Variants in SRCIN1 observed in about 807,000 individuals in gnomAD.
SRCIN1 encodes the protein SRC kinase signaling inhibitor 1, also known as P130Cas-associated protein.
In SRCIN1, 50 loss-of-function variants were observed where a neutral mutation model predicts 116.2. The observed-to-expected ratio is 0.43, with a 90% CI of 0.34 to 0.54. The LOEUF (loss-of-function observed/expected upper bound fraction) is 0.54. Among genes scored for constraint, SRCIN1 ranks in the 20% least tolerant of loss-of-function variants. The pLI is 0.02. For missense variants in SRCIN1, 1,446 were observed against 1,672.0 expected (o/e 0.86, Z 2.36); for synonymous variants, 736 against 750.0 (o/e 0.98, Z 0.30).
intron 14 of SRCIN1, 24 bp from the exon 15 acceptor site, chr17:38,551,413 G>T: frequency 1.3e-6 from 2 of 1,573,940 alleles, no homozygotes; most frequent in East Asian, 2.3e-5. Flanking sequence ...CAGGAGTCAG[G>T]ATTGAGGTAG....
rs971475748 is a variant in SRCIN1 at position 38,544,134 on chromosome 17, A to C, written c.3271-165T>G. Among the ~76,000 whole-genome samples the C allele has an allele frequency of 2.6e-5, 4 of 151,892 alleles. No homozygotes were observed. Among genetic ancestry groups the C allele is most frequent in the Non-Finnish European group, 4.4e-5 (3 of 67,942 alleles). On this transcript the variant is annotated intron_variant, in intron 17 of 18. Transcript: ENST00000617146. This position sits in a 1 kb window ranked among gnomAD's most constrained non-coding sequence, Gnocchi z 4.5. Reference sequence around the variant, plus strand: ...ACACCCGAGTCCAGAACCCAGGTCCACCCTCTCAGTCCCCACTTATGGTCT... The same window carrying C: ...ACACCCGAGTCCAGAACCCAGGTCCCCCCTCTCAGTCCCCACTTATGGTCT...
chr17:38,597,531 A>G (rs897346811), intron 1 of SRCIN1, among the ~76,000 whole-genome samples: 8 of 152,182 alleles, frequency 5.3e-5, no homozygotes, highest in African/African-American at 1.9e-4. Flanking sequence ...ATATAATCCT[A>G]CTACCCACTC....
intron 18 of SRCIN1, among the ~76,000 whole-genome samples, chr17:38,535,295 G>A (rs1016674393): frequency 3.4e-5 from 5 of 145,446 alleles, no homozygotes; most frequent in Admixed American, 7.0e-5. Context: ...GGCAACCTCC[G>A]CCTCCCGGGT....
intron 1 of SRCIN1, among the ~76,000 whole-genome samples, chr17:38,579,473 C>T (rs1341523130): frequency 1.3e-5 from 2 of 152,152 alleles, no homozygotes; most frequent in Non-Finnish European, 2.9e-5. Flanking sequence ...GACAGATAGA[C>T]AGACAGGAGA....
intron 3 of SRCIN1, among the ~76,000 whole-genome samples, chr17:38,567,216 T>C (rs546089854): frequency 2.6e-5 from 4 of 152,318 alleles, no homozygotes; most frequent in African/African-American, 9.6e-5. Flanking sequence ...TTTTTCCCTA[T>C]CTTTACAACA....
At position 38,548,694 on chromosome 17, in the gene SRCIN1, C is replaced by T; in HGVS notation, c.3133G>A (p.Glu1045Lys). 1 of 1,605,410 alleles carries T rather than the reference C, an allele frequency of 6.2e-7. No individual in the cohort carries two copies. The highest frequency in any genetic ancestry group is 8.5e-7 in the Non-Finnish European group (1 of 1,176,768). Reference protein sequence around the residue: ...SAFIKKAESEELEVQKPQVKL... With the variant: ...SAFIKKAESEKLEVQKPQVKL... Reference sequence around the variant, plus strand: ...ACCTGGGGCTTCTGCACCTCCAGCTCCTCGGACTCAGCCTTCTGCAAGGCC... The same window carrying T: ...ACCTGGGGCTTCTGCACCTCCAGCTTCTCGGACTCAGCCTTCTGCAAGGCC... The change falls in exon 17 of 19, where the codon GAG becomes AAG. Residue 1045 changes from glutamate (E) to lysine (K), a missense_variant. By Grantham distance (56) the Glu-to-Lys change is moderately conservative. Transcript: ENST00000617146.
intron 1 of SRCIN1, among the ~76,000 whole-genome samples, chr17:38,591,468 C>T (rs1908438727): frequency 6.6e-6 from 1 of 152,184 alleles, no homozygotes; most frequent in Non-Finnish European, 1.5e-5. Flanking sequence ...TGGCTGCTGG[C>T]CTTCAGAACT....
chr17:38,566,796 G>C (rs1237234488), intron 3 of SRCIN1, among the ~76,000 whole-genome samples: 2 of 152,234 alleles, frequency 1.3e-5, no homozygotes, highest in East Asian at 3.9e-4. Context: ...ACCATGTAAG[G>C]CTCACCAGGA....
At chr17:38,538,629 TC>T (rs1904542428) in intron 18 of SRCIN1, among the ~76,000 whole-genome samples, 1 of 152,144 alleles carries the variant, frequency 6.6e-6, no homozygotes, top group Non-Finnish European at 1.5e-5. Context: ...CTGAAAGCAT[TC>T]TCACTGATAC....
intron 1 of SRCIN1, among the ~76,000 whole-genome samples, chr17:38,589,958 G>A (rs2143397543): frequency 6.6e-6 from 1 of 152,312 alleles, no homozygotes; most frequent in African/African-American, 2.4e-5. Context: ...TTGGCCTCTG[G>A]GTCAGGCAGT....
chr17:38,552,478 C>T lies in SRCIN1; in HGVS notation c.2449G>A (p.Gly817Arg), dbSNP rs370322301. The change falls in exon 13 of 19, where the codon GGG becomes AGG. Residue 817 changes from glycine (G) to arginine (R), a missense_variant. Around this residue, in one of 5 missense-constraint regions of SRCIN1, gnomAD observed 531 missense variants for 633.9 expected, o/e 0.84. Coordinates refer to ENST00000617146, the MANE Select transcript of SRCIN1 (RefSeq NM_025248.3). This position sits in a 1 kb window ranked among gnomAD's most constrained non-coding sequence, Gnocchi z 5.3. ...RLDGLLKRCRGVTDTLAQIRR... is the reference protein window; with the variant it reads ...RLDGLLKRCRRVTDTLAQIRR... ...ATCTGGGCCAGCGTGTCCGTGACCC[C>T]GCGGCAGCGCTTGAGGAGCCCATCC... 1.2e-5 allele frequency: 19 copies of T among 1,603,044 alleles called. No individual in the cohort carries two copies. The highest frequency in any genetic ancestry group is 1.7e-5 in the Admixed American group (1 of 58,288).
rs1906858903 is a variant in SRCIN1 at position 38,568,415 on chromosome 17, C to T, written c.325-184G>A. Among the ~76,000 whole-genome samples, 1 of 152,160 alleles carries T rather than the reference C, an allele frequency of 6.6e-6. No homozygotes were observed. The highest frequency in any genetic ancestry group is 1.5e-5 in the Non-Finnish European group (1 of 68,034). ...CATTCTCTACTGAGACCTGGAACAC[C>T]ATGGTGTACCCAGGATGGCCCTGAG... On this transcript the variant is annotated intron_variant, in intron 2 of 18. Transcript: ENST00000617146. This position sits in a 1 kb window ranked among gnomAD's most constrained non-coding sequence, Gnocchi z 4.5.
chr17:38,564,052 TC>T, intron 4 of SRCIN1, 65 bp downstream of exon 4: 1 of 1,451,376 alleles, frequency 6.9e-7, no homozygotes, highest in East Asian at 2.8e-5. Flanking sequence ...AGGAGGGGGC[TC>T]CAGGGAGTGA....
At chr17:38,564,360 C>CG in intron 3 of SRCIN1, 47 bp from the exon 4 acceptor site, 2 of 1,303,208 alleles carry the variant, frequency 1.5e-6, no homozygotes, top group Middle Eastern at 2.7e-4. Flanking sequence ...GAGCACCCCC[C>CG]CTCCCCTTTG....
Position 38,531,407 on chromosome 17 carries a change from T to A in SRCIN1, c.*1890A>T, listed in dbSNP as rs896670313. 6.8e-5 allele frequency: 10 copies of A among 147,576 alleles called. No homozygotes were observed. Among genetic ancestry groups the A allele is most frequent in the South Asian group, 2.1e-4 (1 of 4,782 alleles). 9.1% of individuals were successfully genotyped at this position (147,576 alleles called of 1,614,324 possible). A position where few individuals can be genotyped will look rare whatever the true frequency, so the allele number is the denominator to read the frequency against. Reference sequence around the variant, plus strand: ...GTGGTTTTCTTTTTTTTTTCTTTTTTAAATATTTATATATATTTATATTAC... The same window carrying A: ...GTGGTTTTCTTTTTTTTTTCTTTTTAAAATATTTATATATATTTATATTAC... On this transcript the variant is annotated 3_prime_UTR_variant, in exon 19 of 19. Coordinates refer to ENST00000617146, the MANE Select transcript of SRCIN1 (RefSeq NM_025248.3).
intron 3 of SRCIN1, among the ~76,000 whole-genome samples, chr17:38,565,738 T>A (rs1364137338): frequency 6.6e-6 from 1 of 152,232 alleles, no homozygotes; most frequent in Non-Finnish European, 1.5e-5. Flanking sequence ...TATGCCCAGC[T>A]GTCCCCAAGG....
rs1053121436 is a variant in SRCIN1 at position 38,552,305 on chromosome 17, G to A, written c.2480+142C>T. 1.4e-5 allele frequency: 19 copies of A among 1,404,990 alleles called. No homozygotes were observed. Among genetic ancestry groups the A allele is most frequent in the East Asian group, 2.5e-5 (1 of 40,594 alleles). 87.0% of individuals were successfully genotyped at this position (1,404,990 alleles called of 1,614,324 possible). A position where few individuals can be genotyped will look rare whatever the true frequency, so the allele number is the denominator to read the frequency against. On this transcript the variant is annotated intron_variant, in intron 13 of 18. Coordinates refer to ENST00000617146, the MANE Select transcript of SRCIN1 (RefSeq NM_025248.3). This position sits in a 1 kb window ranked among gnomAD's most constrained non-coding sequence, Gnocchi z 5.3. ...GGAAGCCAGGTCTACAGCATGCAGG[G>A]GTCACAGGGCAGAGCTGAGGTGCCA...
chr17:38,584,543 G>A lies in SRCIN1; in HGVS notation c.23-5752C>T, dbSNP rs191609752. Among the ~76,000 whole-genome samples the A allele has an allele frequency of 1.4e-3, 218 of 152,372 alleles. 1 individual carries two copies. Among genetic ancestry groups the A allele is most frequent in the African/African-American group, 5.0e-3 (210 of 41,586 alleles). On this transcript the variant is annotated intron_variant, in intron 1 of 18. Coordinates refer to ENST00000617146, the MANE Select transcript of SRCIN1 (RefSeq NM_025248.3). ...AAGTGGCGGGCGCCCCCCAGTGGCC[G>A]GCTAGGAGGACGGCACAGGTGCTTG...
rs996641339 is a variant in SRCIN1 at position 38,604,654 on chromosome 17, G to C, written c.22+1030C>G. On this transcript the variant is annotated intron_variant, in intron 1 of 18. Coordinates refer to ENST00000617146, the MANE Select transcript of SRCIN1 (RefSeq NM_025248.3). This position sits in a 1 kb window ranked among gnomAD's most constrained non-coding sequence, Gnocchi z 4.3. ...CACCAGCAGCCGCACACGCCCCGCCGGGCCCTGACAGCTGAGCTGCGGAGG... is the reference window on the plus strand; with the variant it reads ...CACCAGCAGCCGCACACGCCCCGCCCGGCCCTGACAGCTGAGCTGCGGAGG... The C allele has an allele frequency of 1.5e-5, 6 of 401,264 alleles. No individual in the cohort carries two copies. The highest frequency in any genetic ancestry group is 2.8e-5 in the Admixed American group (1 of 36,234). 24.9% of individuals were successfully genotyped at this position (401,264 alleles called of 1,614,324 possible). A position where few individuals can be genotyped will look rare whatever the true frequency, so the allele number is the denominator to read the frequency against.
Sources: gnomAD v4.1 joint callset for allele counts (sites outside exome capture counted in the v4.1 genomes callset) on GRCh38, gnomAD v4.1.1 for gene constraint, gnomAD v4.1.1 regional missense constraint, Gnocchi (gnomAD v3.1) non-coding constraint, MANE v1.5 for transcripts, NCBI Gene and HGNC (gene_info 2026-07-23, HGNC 2026-07-21) for gene names.